The following SORCS3 variants were observed in gnomAD, a reference collection of about 807,000 sequenced individuals.
The protein encoded by SORCS3 is sortilin related VPS10 domain containing receptor 3, also known as VPS10 domain-containing receptor SorCS3.
A neutral mutation model predicts 146.3 loss-of-function variants in SORCS3; 57 were observed. The ratio of observed to expected loss-of-function variants is 0.39; its 90% CI spans 0.31 to 0.49. The LOEUF is 0.49. Among genes scored for constraint, SORCS3 ranks in the 20% least tolerant of loss-of-function variants. The probability of loss-of-function intolerance (pLI) is 0.92; values close to 1 mark genes in which losing one functional copy is unlikely to be tolerated. For synonymous variants in SORCS3, 653 were observed against 618.5 expected (o/e 1.06, Z -0.83); for missense variants, 1,341 against 1,575.5 (o/e 0.85, Z 2.52).
At chr10:105,133,429 G>A (rs1008528782) in intron 7 of SORCS3, among the ~76,000 whole-genome samples, 2 of 152,172 alleles carry the variant, frequency 1.3e-5, no homozygotes, top group Admixed American at 6.5e-5. Flanking sequence ...TAGAGTTGGA[G>A]AGCCCAGGTT....
At chr10:104,757,618 A>G (rs2017069425) in intron 1 of SORCS3, among the ~76,000 whole-genome samples, 2 of 150,054 alleles carry the variant, frequency 1.3e-5, no homozygotes, top group Non-Finnish European at 3.0e-5. Context: ...GGTTGGGGGG[A>G]TTTTCCTTTG....
chr10:105,261,173 T>C (rs982369341), intron 25 of SORCS3, among the ~76,000 whole-genome samples: 9 of 152,186 alleles, frequency 5.9e-5, no homozygotes, highest in African/African-American at 2.2e-4. Context: ...GCCTATTACA[T>C]CACCCTAAAC....
intron 3 of SORCS3, among the ~76,000 whole-genome samples, chr10:104,942,148 C>G (rs528288854): frequency 6.6e-6 from 1 of 152,232 alleles, no homozygotes; most frequent in African/African-American, 2.4e-5. Context: ...GGCCAGTGCT[C>G]TGGAAGGAGA....
At chr10:105,245,761 C>T (rs2056862389) in intron 21 of SORCS3, 96 bp downstream of exon 21, 4 of 1,445,762 alleles carry the variant, frequency 2.8e-6, no homozygotes, top group Non-Finnish European at 3.7e-6. Flanking sequence ...GGAAATTCCT[C>T]AGGCCCTGGG....
chr10:104,876,365 A>G (rs2018571576), intron 2 of SORCS3, among the ~76,000 whole-genome samples: 1 of 152,186 alleles, frequency 6.6e-6, no homozygotes, highest in Non-Finnish European at 1.5e-5. Context: ...TCATTTGGCT[A>G]TTAACAAAGC....
At position 104,696,158 on chromosome 10, in the gene SORCS3, A is replaced by C. The variant is rs556888320; in HGVS notation, c.627+54204A>C. ...TACACATATTATATATAATATATAT[A>C]CACATATAATATATAATATATATCA... On this transcript the variant is annotated intron_variant, in intron 1 of 26. Coordinates refer to ENST00000369701, the MANE Select transcript of SORCS3 (RefSeq NM_014978.3). Among the ~76,000 whole-genome samples the C allele has an allele frequency of 1.7e-3, 207 of 119,844 alleles. 3 individuals are homozygous for C. The highest frequency in any genetic ancestry group is 6.3e-3 in the African/African-American group (197 of 31,164). The allele number at this position is 119,844 out of a possible 152,430, so 78.6% of individuals were successfully genotyped here.
At chr10:104,906,257 G>A (rs1008872824) in intron 2 of SORCS3, among the ~76,000 whole-genome samples, 9 of 152,146 alleles carry the variant, frequency 5.9e-5, no homozygotes, top group Non-Finnish European at 5.9e-5. Flanking sequence ...AGTTGGGTTC[G>A]TTTTCCCTGG....
chr10:105,242,017 T>G lies in SORCS3; in HGVS notation c.2869-3525T>G, dbSNP rs1053489597. On this transcript the variant is annotated intron_variant, in intron 20 of 26. Coordinates refer to ENST00000369701, the MANE Select transcript of SORCS3 (RefSeq NM_014978.3). ...TAACTTGTAACTTGGCTTTCAGGCT[T>G]TAAACCGTCTTTAGCTTGGAGGTGG... Among the ~76,000 whole-genome samples the G allele has an allele frequency of 2.6e-5, 4 of 151,992 alleles. No homozygotes were observed. In the South Asian group the frequency reaches 6.2e-4, roughly 24 times the overall value.
chr10:105,207,086 G>A (rs546661028), intron 16 of SORCS3, among the ~76,000 whole-genome samples: 1 of 152,190 alleles, frequency 6.6e-6, no homozygotes, highest in African/African-American at 2.4e-5. Flanking sequence ...GCCAGTGGGT[G>A]CCCTATGGGA....
chr10:104,712,928 T>G (rs1294388478), intron 1 of SORCS3, among the ~76,000 whole-genome samples: 1 of 152,164 alleles, frequency 6.6e-6, no homozygotes, highest in Non-Finnish European at 1.5e-5. Flanking sequence ...TTATTCCGTA[T>G]GTTAGAAAAT....
At chr10:104,789,346 G>A (rs1475965839) in intron 1 of SORCS3, among the ~76,000 whole-genome samples, 4 of 152,188 alleles carry the variant, frequency 2.6e-5, no homozygotes, top group Non-Finnish European at 5.9e-5. Flanking sequence ...GTCTATGGGA[G>A]GAAAATTGAC....
intron 25 of SORCS3, 68 bp downstream of exon 25, chr10:105,256,992 A>T: frequency 1.9e-6 from 2 of 1,047,282 alleles, no homozygotes; most frequent in Non-Finnish European, 3.0e-6. Context: ...TCCTATAACT[A>T]ACTTTACTAA....
At chr10:105,162,463 A>G (rs930495666) in intron 11 of SORCS3, among the ~76,000 whole-genome samples, 17 of 152,114 alleles carry the variant, frequency 1.1e-4, no homozygotes, top group African/African-American at 3.4e-4. Flanking sequence ...CTCTGACACC[A>G]TAACTCCGGC....
At chr10:105,263,217 TG>T in intron 26 of SORCS3, 92 bp from the exon 27 acceptor site, 1 of 1,210,676 alleles carries the variant, frequency 8.3e-7, no homozygotes, top group Non-Finnish European at 1.2e-6. Context: ...GCACCTGTTC[TG>T]GGTGGCTTGG....
At chr10:104,757,355 G>T (rs113017877) in intron 1 of SORCS3, among the ~76,000 whole-genome samples, 23 of 152,302 alleles carry the variant, frequency 1.5e-4, no homozygotes, top group African/African-American at 5.5e-4. Flanking sequence ...ATTAGCTCTT[G>T]TCCTCAGTGC....
intron 3 of SORCS3, 50 bp from the exon 4 acceptor site, chr10:104,977,285 A>C: frequency 3.5e-6 from 5 of 1,412,012 alleles, no homozygotes; most frequent in Non-Finnish European, 3.8e-6. Context: ...TATTATATTT[A>C]TTATTTCCTA....
intron 3 of SORCS3, among the ~76,000 whole-genome samples, chr10:104,970,947 C>G (rs572916238): frequency 9.0e-4 from 137 of 152,230 alleles, no homozygotes; most frequent in African/African-American, 3.2e-3. Context: ...ATGGTTTAGA[C>G]TGCATGATAG....
At chr10:105,073,639 G>T (rs969114490) in intron 5 of SORCS3, among the ~76,000 whole-genome samples, 3 of 152,118 alleles carry the variant, frequency 2.0e-5, no homozygotes, top group South Asian at 2.1e-4. Context: ...CAGTTCTGGG[G>T]CAGGGAGTGG....
At chr10:105,247,556 C>T (rs2056874520) in intron 22 of SORCS3, among the ~76,000 whole-genome samples, 1 of 152,096 alleles carries the variant, frequency 6.6e-6, no homozygotes, top group African/African-American at 2.4e-5. Context: ...TTGAGACTAG[C>T]CTGGCCAACA....
Sources: gnomAD v4.1 joint callset for allele counts (sites outside exome capture counted in the v4.1 genomes callset) on GRCh38, gnomAD v4.1.1 for gene constraint, MANE v1.5 for transcripts, NCBI Gene and HGNC (gene_info 2026-07-23, HGNC 2026-07-21) for gene names.